Variants in FOCAD observed in about 807,000 individuals in gnomAD.
FOCAD encodes KIAA1797.
Under a neutral mutation model 225.6 loss-of-function variants are expected in FOCAD, and 198 were observed. That is an observed-to-expected ratio of 0.88 (90% CI 0.78 to 0.99). FOCAD has a LOEUF of 0.99. Among genes scored for constraint, FOCAD ranks in the 50% least tolerant of loss-of-function variants. The probability of loss-of-function intolerance (pLI) is 0.00; values close to 1 mark genes in which losing one functional copy is unlikely to be tolerated. For missense variants in FOCAD, 2,713 were observed against 2,123.6 expected (o/e 1.28, Z -5.46); for synonymous variants, 897 against 755.0 (o/e 1.19, Z -3.08).
At chr9:20,985,161 A>T (rs975935215) in intron 39 of FOCAD, among the ~76,000 whole-genome samples, 1 of 152,142 alleles carries the variant, frequency 6.6e-6, no homozygotes, top group African/African-American at 2.4e-5. Context: ...ATATTAGTGA[A>T]ACTCATATAC....
At chr9:20,941,906 A>G (rs1836695079) in intron 28 of FOCAD, among the ~76,000 whole-genome samples, 1 of 152,230 alleles carries the variant, frequency 6.6e-6, no homozygotes, top group African/African-American at 2.4e-5. Context: ...AGAATGAGGT[A>G]AATATGTGGA....
At chr9:20,937,853 A>C (rs1271804997) in intron 28 of FOCAD, among the ~76,000 whole-genome samples, 1 of 152,238 alleles carries the variant, frequency 6.6e-6, no homozygotes, top group Non-Finnish European at 1.5e-5. Flanking sequence ...TAATATCCAG[A>C]ATCTACAATG....
intron 11 of FOCAD, among the ~76,000 whole-genome samples, chr9:20,800,136 G>C (rs896386783): frequency 6.6e-6 from 1 of 151,998 alleles, no homozygotes; most frequent in East Asian, 1.9e-4. Flanking sequence ...TGAAATTCTG[G>C]GTTCAAAATT....
chr9:20,766,580 A>G (rs1466828742), intron 7 of FOCAD, among the ~76,000 whole-genome samples: 5 of 152,058 alleles, frequency 3.3e-5, no homozygotes, highest in Non-Finnish European at 5.9e-5. Flanking sequence ...TAAGCTTTTA[A>G]AAAAACCCCA....
At chr9:20,955,006 TTAA>T (rs1564200107) in intron 35 of FOCAD, among the ~76,000 whole-genome samples, 1 of 152,218 alleles carries the variant, frequency 6.6e-6, no homozygotes, top group African/African-American at 2.4e-5. Flanking sequence ...CATTTGAATT[TTAA>T]TAACTCCCTT....
intron 8 of FOCAD, among the ~76,000 whole-genome samples, chr9:20,775,842 C>T (rs768678428): frequency 1.3e-5 from 2 of 151,976 alleles, no homozygotes; most frequent in Admixed American, 6.5e-5. Context: ...GGCATTTACT[C>T]ATTTTTTGTA....
intron 21 of FOCAD, among the ~76,000 whole-genome samples, chr9:20,906,789 C>A (rs368619987): frequency 6.6e-6 from 1 of 152,010 alleles, no homozygotes; most frequent in African/African-American, 2.4e-5. Flanking sequence ...AAAATTACTA[C>A]GGGGGTTTGT....
chr9:20,678,146 C>T (rs1390538913), intron 2 of FOCAD, among the ~76,000 whole-genome samples: 1 of 152,146 alleles, frequency 6.6e-6, no homozygotes, highest in Non-Finnish European at 1.5e-5. Context: ...CATATTCTAT[C>T]CCTTGGTGCT....
At chr9:20,844,107 G>A (rs1039722061) in intron 15 of FOCAD, among the ~76,000 whole-genome samples, 4 of 152,034 alleles carry the variant, frequency 2.6e-5, no homozygotes, top group Non-Finnish European at 4.4e-5. Flanking sequence ...CAAGAAAAGT[G>A]CAACTATGTA....
intron 15 of FOCAD, among the ~76,000 whole-genome samples, chr9:20,860,877 T>C (rs1828714227): frequency 6.6e-6 from 1 of 152,238 alleles, no homozygotes; most frequent in African/African-American, 2.4e-5. Flanking sequence ...CTCTAAAGCC[T>C]ACCTTTTCTT....
At chr9:20,751,282 G>T (rs1216718801) in intron 5 of FOCAD, among the ~76,000 whole-genome samples, 1 of 146,126 alleles carries the variant, frequency 6.8e-6, no homozygotes, top group Non-Finnish European at 1.5e-5. Flanking sequence ...CTAGCATTAG[G>T]TATATCTCCC....
At chr9:20,700,534 T>TAA (rs111933515) in intron 1 of FOCAD, among the ~76,000 whole-genome samples, 302 of 140,890 alleles carry the variant, frequency 2.1e-3, no homozygotes, top group African/African-American at 6.9e-3. Flanking sequence ...TTCGCCTAGT[T>TAA]AAAAAAAAAA....
chr9:20,764,565 T>C (rs751814885), intron 6 of FOCAD, among the ~76,000 whole-genome samples: 5 of 152,226 alleles, frequency 3.3e-5, no homozygotes, highest in Non-Finnish European at 7.3e-5. Flanking sequence ...CAGATGATTC[T>C]TGTGTTCACT....
intron 1 of FOCAD, among the ~76,000 whole-genome samples, chr9:20,712,892 C>A (rs1024871987): frequency 6.6e-6 from 1 of 151,892 alleles, no homozygotes; most frequent in African/African-American, 2.4e-5. Context: ...ACCACCACAT[C>A]TGGCTAATTT....
chr9:20,905,703 C>T (rs189604490), intron 21 of FOCAD, among the ~76,000 whole-genome samples: 8 of 151,966 alleles, frequency 5.3e-5, no homozygotes, highest in Admixed American at 5.2e-4. Context: ...AGAGCCAAGA[C>T]CTGATTAATG....
intron 2 of FOCAD, among the ~76,000 whole-genome samples, chr9:20,678,163 A>T (rs1822290104): frequency 6.6e-6 from 1 of 152,200 alleles, no homozygotes. Flanking sequence ...TGCTGGGAAC[A>T]TTACTGAGTC....
At chr9:20,672,588 C>G (rs947077119) in intron 2 of FOCAD, among the ~76,000 whole-genome samples, 1 of 152,172 alleles carries the variant, frequency 6.6e-6, no homozygotes, top group East Asian at 1.9e-4. Flanking sequence ...GTAGCTGGGA[C>G]AACAGGTGCC....
At chr9:20,924,395 A>G (rs185669018) in intron 25 of FOCAD, among the ~76,000 whole-genome samples, 9 of 152,302 alleles carry the variant, frequency 5.9e-5, no homozygotes, top group East Asian at 1.9e-4. Flanking sequence ...TTTAGATCCT[A>G]TTACTTCCAC....
chr9:20,761,738 C>A (rs1829620115), intron 6 of FOCAD, among the ~76,000 whole-genome samples: 1 of 151,876 alleles, frequency 6.6e-6, no homozygotes, highest in Non-Finnish European at 1.5e-5. Flanking sequence ...CATTTTTTTA[C>A]TCTCTCTCTA....
Sources: gnomAD v4.1 joint callset for allele counts (sites outside exome capture counted in the v4.1 genomes callset) on GRCh38, gnomAD v4.1.1 for gene constraint, MANE v1.5 for transcripts, NCBI Gene and HGNC (gene_info 2026-07-23, HGNC 2026-07-21) for gene names.